Variants in CFAP52 observed in about 807,000 individuals in gnomAD.
CFAP52 encodes cilia and flagella associated protein 52.
CFAP52 carries 57 observed loss-of-function variants against 70.5 expected under a neutral mutation model. The observed-to-expected ratio is 0.81, with a 90% CI of 0.65 to 1.01. The LOEUF (loss-of-function observed/expected upper bound fraction) is 1.01. Ranked by LOEUF, CFAP52 falls within the 50% of genes least tolerant of loss-of-function variation. CFAP52 has a pLI of 0.00. For missense variants in CFAP52, 785 were observed against 788.5 expected, an observed-to-expected ratio of 1.00 and a Z score of 0.05; for synonymous variants, 267 against 292.5, an observed-to-expected ratio of 0.91 and a Z score of 0.89.
intron 4 of CFAP52, 64 bp downstream of exon 4, chr17:9,594,385 A>G: frequency 6.4e-7 from 1 of 1,564,134 alleles, no homozygotes; most frequent in South Asian, 1.2e-5. Context: ...CACAGAAAAC[A>G]TGGTCATTCT....
Position 9,628,669 on chromosome 17 carries a change from C to A in CFAP52, c.1026-3C>A, listed in dbSNP as rs75671790. The A allele has an allele frequency of 6.2e-7, 1 of 1,611,924 alleles. No individual in the cohort carries two copies. The highest frequency in any genetic ancestry group is 1.7e-5 in the Admixed American group (1 of 59,932). On this transcript the variant is annotated splice_polypyrimidine_tract_variant and splice_region_variant and intron_variant, in intron 8 of 13. Coordinates refer to ENST00000352665, the MANE Select transcript of CFAP52 (RefSeq NM_145054.5). ...GTTGCATCTCTTGATGGCTTCCTTG[C>A]AGTGGCACTGCTGAGCTATTTGCAA...
intron 1 of CFAP52, among the ~76,000 whole-genome samples, chr17:9,579,727 C>G (rs1268621466): frequency 6.6e-6 from 1 of 152,146 alleles, no homozygotes; most frequent in Non-Finnish European, 1.5e-5. Flanking sequence ...ACCACCACGC[C>G]TGGCTAATTT....
chr17:9,637,137 A>G (rs1404192141), intron 11 of CFAP52, among the ~76,000 whole-genome samples: 1 of 152,176 alleles, frequency 6.6e-6, no homozygotes, highest in East Asian at 1.9e-4. Context: ...GGATCTTGTT[A>G]CAAATGTCGA....
chr17:9,626,938 G>A lies in CFAP52; in HGVS notation c.1026-1734G>A, dbSNP rs574514805. 1.9e-4 allele frequency among the ~76,000 whole-genome samples: 29 copies of A among 152,256 alleles called. No individual in the cohort carries two copies. The South Asian group carries it at 5.8e-3, about 30-fold the overall frequency. On this transcript the variant is annotated intron_variant, in intron 8 of 13. Transcript: ENST00000352665. The stretch of plus-strand genomic sequence containing the variant: ...ATGAAAAAATGTAGACATTGCTTGA[G>A]ATGTACTGAAATCTAAAAATTAGCT...
chr17:9,622,359 C>A (rs1340152686), intron 8 of CFAP52, among the ~76,000 whole-genome samples: 2 of 151,938 alleles, frequency 1.3e-5, no homozygotes, highest in African/African-American at 4.8e-5. Flanking sequence ...ACTAGCTGGG[C>A]AAGATGGTGA....
intron 6 of CFAP52, among the ~76,000 whole-genome samples, chr17:9,606,708 G>A (rs890135366): frequency 2.6e-5 from 4 of 152,130 alleles, no homozygotes; most frequent in Non-Finnish European, 5.9e-5. Flanking sequence ...GCTTCGAGGC[G>A]CTGTTGAACT....
intron 3 of CFAP52, among the ~76,000 whole-genome samples, chr17:9,588,382 A>G (rs890429967): frequency 6.6e-6 from 1 of 152,122 alleles, no homozygotes; most frequent in Admixed American, 6.5e-5. Flanking sequence ...GCCCAGAGAG[A>G]CAAAGAGTTA....
At chr17:9,576,820 G>A in intron 1 of CFAP52, 55 bp downstream of exon 1, 6 of 1,574,878 alleles carry the variant, frequency 3.8e-6, no homozygotes, top group Non-Finnish European at 5.2e-6. Flanking sequence ...AGGACGTGTA[G>A]TGCAAACAGG....
At chr17:9,612,088 TGAA>T (rs1384373788) in intron 7 of CFAP52, among the ~76,000 whole-genome samples, 1 of 152,228 alleles carries the variant, frequency 6.6e-6, no homozygotes, top group Non-Finnish European at 1.5e-5. Flanking sequence ...GTTATCTCAC[TGAA>T]GAAGCTTTCC....
intron 1 of CFAP52, among the ~76,000 whole-genome samples, chr17:9,577,007 G>T (rs1457312337): frequency 1.3e-5 from 2 of 152,192 alleles, no homozygotes; most frequent in Non-Finnish European, 2.9e-5. Flanking sequence ...ACAAGCGCCA[G>T]CACCTAAAAG....
intron 9 of CFAP52, among the ~76,000 whole-genome samples, chr17:9,631,106 G>GAAAGAA (rs60109261): frequency 1.4e-4 from 20 of 146,578 alleles, no homozygotes; most frequent in African/African-American, 4.6e-4. Context: ...GAGAAAGAAA[G>GAAAGAA]AACATAAGTC....
At chr17:9,577,057 G>C (rs1313740644) in intron 1 of CFAP52, among the ~76,000 whole-genome samples, 1 of 152,186 alleles carries the variant, frequency 6.6e-6, no homozygotes, top group Non-Finnish European at 1.5e-5. Context: ...GGATGAGTAC[G>C]GGTGGTTGTA....
In CFAP52 at chr17:9,635,526, C is replaced by G. The variant is rs142289033; in HGVS notation, c.1442C>G (p.Thr481Ser). The change falls in exon 11 of 14, where the codon ACC (threonine) becomes AGC (serine). Residue 481 changes from threonine to serine, a missense_variant. By Grantham distance (58) the Thr-to-Ser change is moderately conservative. Transcript: ENST00000352665. ...RNNEECVTAS[T>S]DGTCIIWDLV... The stretch of plus-strand genomic sequence containing the variant: ...AACGAGGAGTGTGTCACCGCCAGCA[C>G]CGATGGGACTTGTATCATTTGGGAC... 1 of 1,614,162 alleles carries G rather than the reference C, an allele frequency of 6.2e-7. No individual in the cohort carries two copies. Among genetic ancestry groups the G allele is most frequent in the African/African-American group, 1.3e-5 (1 of 75,022 alleles).
chr17:9,585,283 A>G (rs1567619673), intron 1 of CFAP52, among the ~76,000 whole-genome samples: 1 of 152,210 alleles, frequency 6.6e-6, no homozygotes, highest in African/African-American at 2.4e-5. Context: ...TATAAACATC[A>G]AAGTTTAAGA....
At chr17:9,632,545 G>A (rs1276479702) in intron 9 of CFAP52, among the ~76,000 whole-genome samples, 2 of 152,310 alleles carry the variant, frequency 1.3e-5, no homozygotes, top group East Asian at 3.9e-4. Flanking sequence ...TGCCTTGGAT[G>A]AAGGAGGTAC....
In CFAP52 at chr17:9,594,286, C is replaced by T. The variant is rs1908899814; in HGVS notation, c.501C>T (p.Ser167=). 1 of 1,614,014 alleles carries T rather than the reference C, an allele frequency of 6.2e-7. No individual in the cohort carries two copies. The highest frequency in any genetic ancestry group is 1.3e-5 in the African/African-American group (1 of 75,022). ...NVGNATNVIF[S]RCRDEMFMTA... is the part of the protein sequence containing the mutation. ...GCAATGCCACCAATGTGATCTTCTC[C>T]AGGTGCCGGGATGAGATGTTTATGA... The change falls in exon 4 of 14, where the codon TCC becomes TCT. Residue 167 remains serine (S), a synonymous_variant. Coordinates refer to ENST00000352665, the MANE Select transcript of CFAP52 (RefSeq NM_145054.5).
Position 9,594,174 on chromosome 17 carries a change from G to A in CFAP52, c.408-19G>A. 1 of 1,518,716 alleles carries A rather than the reference G, an allele frequency of 6.6e-7. No homozygotes were observed. The highest frequency in any genetic ancestry group is 1.3e-5 in the South Asian group (1 of 78,744). 94.1% of individuals were successfully genotyped at this position (1,518,716 alleles called of 1,614,324 possible). A position where few individuals can be genotyped will look rare whatever the true frequency, so the allele number is the denominator to read the frequency against. On this transcript the variant is annotated intron_variant, in intron 3 of 13. Transcript: ENST00000352665. ...TTTTCTCTTTGACTTTTTTTTTTTGGTCCCTCTTATTTTGGCAGTGTGGTG... is the reference window on the plus strand; with the variant it reads ...TTTTCTCTTTGACTTTTTTTTTTTGATCCCTCTTATTTTGGCAGTGTGGTG...
At chr17:9,601,445 T>G (rs543994855) in intron 6 of CFAP52, among the ~76,000 whole-genome samples, 1 of 152,338 alleles carries the variant, frequency 6.6e-6, no homozygotes, top group African/African-American at 2.4e-5. Flanking sequence ...ACCACATTTA[T>G]GTTCACCTCT....
At chr17:9,616,152 C>T (rs541310723) in intron 8 of CFAP52, among the ~76,000 whole-genome samples, 4 of 142,014 alleles carry the variant, frequency 2.8e-5, no homozygotes, top group East Asian at 2.0e-4. Flanking sequence ...GCACCGTGCG[C>T]GAGCCGAAGC....
Sources: allele counts gnomAD v4.1 joint callset (sites outside exome capture counted in the v4.1 genomes callset), GRCh38; gene constraint gnomAD v4.1.1; transcripts MANE v1.5; gene names NCBI Gene and HGNC (gene_info 2026-07-23, HGNC 2026-07-21).